Variants in EDIL3 observed in about 807,000 individuals in gnomAD.
EDIL3 encodes the protein EGF like and discoidin domains 3, also known as EGF-like repeat and discoidin I-like domain-containing protein 3.
EDIL3 carries 37 observed loss-of-function variants against 67.4 expected under a neutral mutation model. The observed-to-expected ratio is 0.55, with a 90% CI of 0.42 to 0.72. EDIL3 has a LOEUF of 0.72. Ranked by LOEUF, EDIL3 falls within the 30% of genes least tolerant of loss-of-function variation. The pLI, the probability that EDIL3 is intolerant of heterozygous loss-of-function variation, is 0.00. For missense variants in EDIL3, 527 were observed against 586.3 expected, an observed-to-expected ratio of 0.90 and a Z score of 1.04; for synonymous variants, 195 against 196.3, an observed-to-expected ratio of 0.99 and a Z score of 0.05.
intron 9 of EDIL3, among the ~76,000 whole-genome samples, chr5:83,972,348 T>A (rs1744808591): frequency 6.6e-6 from 1 of 152,058 alleles, no homozygotes; most frequent in African/African-American, 2.4e-5. Flanking sequence ...TCTTGGCCAC[T>A]GCTGCCCTGA....
intron 9 of EDIL3, among the ~76,000 whole-genome samples, chr5:84,027,656 T>C (rs1745840334): frequency 2.6e-5 from 1 of 38,738 alleles, no homozygotes; most frequent in Non-Finnish European, 9.4e-5. Flanking sequence ...AATCTGAGCA[T>C]GCTGATCAGT....
chr5:83,973,622 T>G (rs566446279), intron 9 of EDIL3, among the ~76,000 whole-genome samples: 1 of 152,052 alleles, frequency 6.6e-6, no homozygotes, highest in African/African-American at 2.4e-5. Context: ...AAAAACTATC[T>G]GAATATATCT....
At chr5:84,273,928 C>T (rs1745523498) in intron 1 of EDIL3, among the ~76,000 whole-genome samples, 1 of 152,134 alleles carries the variant, frequency 6.6e-6, no homozygotes, top group Non-Finnish European at 1.5e-5. Flanking sequence ...TGTTAATATT[C>T]TTCCCAGTGT....
At position 84,127,323 on chromosome 5, in the gene EDIL3, G is replaced by A. The variant is rs563832584; in HGVS notation, c.469+9918C>T. ...TCAAGTTCAATTTATTTTTAAGTTG[G>A]ATACTTTATGTTTCCATTCCCTTTG... On this transcript the variant is annotated intron_variant, in intron 5 of 10. Transcript: ENST00000296591. 2.0e-5 allele frequency among the ~76,000 whole-genome samples: 3 copies of A among 152,050 alleles called. No individual in the cohort carries two copies. In the South Asian group the frequency reaches 6.2e-4, roughly 32 times the overall value.
chr5:84,296,290 T>C (rs889866876), intron 1 of EDIL3, among the ~76,000 whole-genome samples: 1 of 152,194 alleles, frequency 6.6e-6, no homozygotes, highest in African/African-American at 2.4e-5. Context: ...GCTAAGTAGG[T>C]GCCTTATTAC....
At chr5:84,018,247 TC>T in intron 9 of EDIL3, among the ~76,000 whole-genome samples, 2 of 152,310 alleles carry the variant, frequency 1.3e-5, no homozygotes, top group South Asian at 4.1e-4. Context: ...GGTGTGATTC[TC>T]TTACATCTGA....
intron 6 of EDIL3, among the ~76,000 whole-genome samples, chr5:84,075,890 G>GCACGCACA (rs1554066718): frequency 6.2e-5 from 9 of 144,970 alleles, no homozygotes; most frequent in South Asian, 4.4e-4. Flanking sequence ...AAGTGTGCAC[G>GCACGCACA]CACACACACA....
chr5:84,340,692 A>G (rs1429132145), intron 1 of EDIL3, among the ~76,000 whole-genome samples: 1 of 151,238 alleles, frequency 6.6e-6, no homozygotes, highest in African/African-American at 2.4e-5. Flanking sequence ...TTGTTCCCTC[A>G]CACCTGCACA....
intron 1 of EDIL3, among the ~76,000 whole-genome samples, chr5:84,328,775 C>T (rs1181320791): frequency 3.3e-5 from 5 of 152,014 alleles, no homozygotes; most frequent in East Asian, 1.9e-4. Context: ...TAACTGTCAG[C>T]GGTTCATATT....
In EDIL3 at chr5:83,963,275, T is replaced by TAC; in HGVS notation, c.1222_1223insGT (p.Tyr408CysfsTer50). ...TCCATCATTGCTGTAAGCCAGTTTG[T>TAC]AGGAGCCAACAAACTGTACATGACC... On this transcript the variant is annotated frameshift_variant, in exon 10 of 11. Coordinates refer to ENST00000296591, the MANE Select transcript of EDIL3 (RefSeq NM_005711.5). LOFTEE classifies it high-confidence loss of function. 1 of 1,610,428 alleles carries TAC rather than the reference T, an allele frequency of 6.2e-7. No homozygotes were observed. Among genetic ancestry groups the TAC allele is most frequent in the Non-Finnish European group, 8.5e-7 (1 of 1,177,758 alleles).
At chr5:84,186,526 C>CT (rs1743452749) in intron 3 of EDIL3, among the ~76,000 whole-genome samples, 1 of 152,004 alleles carries the variant, frequency 6.6e-6, no homozygotes, top group African/African-American at 2.4e-5. Context: ...CAATGGCTCT[C>CT]TTTTACTGTG....
chr5:83,986,965 C>T (rs1015936840), intron 9 of EDIL3, among the ~76,000 whole-genome samples: 4 of 151,976 alleles, frequency 2.6e-5, no homozygotes, highest in Admixed American at 2.0e-4. Context: ...TTCTTAGTAA[C>T]GAGCCATGAT....
chr5:84,289,981 C>T (rs1745881507), intron 1 of EDIL3, among the ~76,000 whole-genome samples: 1 of 152,124 alleles, frequency 6.6e-6, no homozygotes, highest in African/African-American at 2.4e-5. Context: ...AAGAATTAAG[C>T]ACATACACTT....
chr5:84,350,885 C>A (rs59046408), intron 1 of EDIL3, among the ~76,000 whole-genome samples: 18,307 of 151,952 alleles, frequency 0.12, 1,139 homozygotes, highest in South Asian at 0.22. Flanking sequence ...AACATATAAT[C>A]AATATAATTA....
chr5:84,316,652 A>G (rs1746519019), intron 1 of EDIL3, among the ~76,000 whole-genome samples: 1 of 152,132 alleles, frequency 6.6e-6, no homozygotes. Context: ...CTCCCACACA[A>G]TAATAGTGGG....
chr5:83,946,725 T>G (rs1744318150), intron 10 of EDIL3, among the ~76,000 whole-genome samples: 1 of 151,890 alleles, frequency 6.6e-6, no homozygotes, highest in Non-Finnish European at 1.5e-5. Context: ...TGGAACAAAG[T>G]AACATTATCC....
At chr5:83,962,417 T>A (rs1561386625) in intron 10 of EDIL3, among the ~76,000 whole-genome samples, 1 of 151,436 alleles carries the variant, frequency 6.6e-6, no homozygotes. Context: ...TATTTAAACA[T>A]CTGATCCCAA....
chr5:84,090,172 G>A (rs367880896), intron 6 of EDIL3, among the ~76,000 whole-genome samples: 3 of 152,168 alleles, frequency 2.0e-5, no homozygotes, highest in Admixed American at 6.5e-5. Flanking sequence ...GTTCATGGAG[G>A]AATGTGGATT....
intron 2 of EDIL3, among the ~76,000 whole-genome samples, chr5:84,253,718 C>T (rs1745075620): frequency 6.6e-6 from 1 of 151,760 alleles, no homozygotes; most frequent in South Asian, 2.1e-4. Context: ...CTAAAAACAT[C>T]CTGTTTTATT....
Sources: allele counts gnomAD v4.1 joint callset (sites outside exome capture counted in the v4.1 genomes callset), GRCh38; gene constraint gnomAD v4.1.1; transcripts MANE v1.5; gene names NCBI Gene and HGNC (gene_info 2026-07-23, HGNC 2026-07-21).